MARK1: variants seen among roughly 807,000 people sequenced by gnomAD.
MARK1 encodes the protein microtubule affinity regulating kinase 1, also known as serine/threonine-protein kinase MARK1.
MARK1 carries 40 observed loss-of-function variants against 96.3 expected under a neutral mutation model. The observed-to-expected ratio is 0.42, with a 90% CI of 0.32 to 0.54. The LOEUF is 0.54. Ranked by LOEUF, MARK1 falls within the 20% of genes least tolerant of loss-of-function variation. MARK1 has a pLI of 0.16. For synonymous variants in MARK1, 317 were observed against 341.2 expected, an observed-to-expected ratio of 0.93 and a Z score of 0.78; for missense variants, 719 against 984.6, an observed-to-expected ratio of 0.73 and a Z score of 3.61.
chr1:220,585,428 A>C (rs1388325737), intron 3 of MARK1, among the ~76,000 whole-genome samples: 1 of 152,202 alleles, frequency 6.6e-6, no homozygotes, highest in Admixed American at 6.5e-5. Context: ...TTAAATGTTG[A>C]GGATGTGATC....
At chr1:220,603,087 A>C (rs1665847901) in intron 5 of MARK1, among the ~76,000 whole-genome samples, 3 of 152,086 alleles carry the variant, frequency 2.0e-5, no homozygotes, top group Non-Finnish European at 2.9e-5. Flanking sequence ...CTAAAGTCTG[A>C]GTTTTTTTGT....
chr1:220,654,562 A>C lies in MARK1; in HGVS notation c.1988+1210A>C, dbSNP rs1177025538. Among the ~76,000 whole-genome samples the C allele has an allele frequency of 2.6e-5, 4 of 152,228 alleles. No individual in the cohort carries two copies. Among genetic ancestry groups the C allele is most frequent in the Non-Finnish European group, 4.4e-5 (3 of 68,036 alleles). ...ATTGGGGCAATTACTATGCAGCATGAAACTTGCTAGAGAAAGAACTAAAAG... is the reference window on the plus strand; with the variant it reads ...ATTGGGGCAATTACTATGCAGCATGCAACTTGCTAGAGAAAGAACTAAAAG... On this transcript the variant is annotated intron_variant, in intron 16 of 17. Coordinates refer to ENST00000366917, the MANE Select transcript of MARK1 (RefSeq NM_018650.5). This position sits in a 1 kb window ranked among gnomAD's most constrained non-coding sequence, Gnocchi z 4.0.
At chr1:220,588,173 G>A (rs1427234478) in intron 3 of MARK1, among the ~76,000 whole-genome samples, 2 of 152,118 alleles carry the variant, frequency 1.3e-5, no homozygotes, top group African/African-American at 4.8e-5. Context: ...CTGCTTTTAA[G>A]TTTAATATCT....
chr1:220,579,705 G>T, intron 2 of MARK1, 148 bp downstream of exon 2: 2 of 627,208 alleles, frequency 3.2e-6, no homozygotes, highest in Non-Finnish European at 5.6e-6. Context: ...GTAGGCAGAG[G>T]TTTATCACGG....
At chr1:220,529,578 G>A (rs1221809841) in intron 1 of MARK1, among the ~76,000 whole-genome samples, 1 of 152,186 alleles carries the variant, frequency 6.6e-6, no homozygotes. Context: ...CAGTGATAAT[G>A]ATGCAGGGCA....
intron 3 of MARK1, among the ~76,000 whole-genome samples, chr1:220,591,020 G>A (rs1664947524): frequency 6.6e-6 from 1 of 152,164 alleles, no homozygotes; most frequent in African/African-American, 2.4e-5. Context: ...TCAGATGGAA[G>A]TGGAGTGACC....
intron 3 of MARK1, among the ~76,000 whole-genome samples, chr1:220,583,095 G>A (rs968311339): frequency 6.6e-6 from 1 of 152,212 alleles, no homozygotes; most frequent in Non-Finnish European, 1.5e-5. Flanking sequence ...GTAATGGAAT[G>A]TGAAACAATC....
chr1:220,554,021 G>T (rs752097802), intron 1 of MARK1, among the ~76,000 whole-genome samples: 3 of 152,170 alleles, frequency 2.0e-5, no homozygotes, highest in Non-Finnish European at 4.4e-5. Context: ...TTTCACTACT[G>T]ACATACATGG....
At chr1:220,582,036 T>C (rs1572120349) in intron 3 of MARK1, among the ~76,000 whole-genome samples, 1 of 152,208 alleles carries the variant, frequency 6.6e-6, no homozygotes, top group African/African-American at 2.4e-5. Context: ...AAGAATCTTA[T>C]AAGAAATTGT....
chr1:220,575,325 A>G (rs1199867611), intron 1 of MARK1, among the ~76,000 whole-genome samples: 2 of 152,234 alleles, frequency 1.3e-5, no homozygotes, highest in Non-Finnish European at 2.9e-5. Flanking sequence ...AAAGGTAGAA[A>G]TTTAAAATTC....
At chr1:220,616,553 A>G (rs560469496) in intron 7 of MARK1, among the ~76,000 whole-genome samples, 33 of 152,218 alleles carry the variant, frequency 2.2e-4, no homozygotes, top group African/African-American at 7.7e-4. Context: ...TTTTTTCTCT[A>G]ATCTTCCAAA....
intron 1 of MARK1, among the ~76,000 whole-genome samples, chr1:220,534,814 A>G (rs1027300953): frequency 6.6e-6 from 1 of 152,120 alleles, no homozygotes; most frequent in Non-Finnish European, 1.5e-5. Flanking sequence ...TTTTAGCACA[A>G]TGCTCTTAAG....
In MARK1 at chr1:220,635,835, G is replaced by A. The variant is rs1236948023; in HGVS notation, c.1279G>A (p.Gly427Ser). 6.3e-7 allele frequency: 1 copy of A among 1,577,312 alleles called. No homozygotes were observed. The highest frequency in any genetic ancestry group is 1.2e-5 in the South Asian group (1 of 84,286). ...TGCTATTTTTAAAAAAATTATAGCTGGTCCATCCATTCCTCCTGCTGTATC... is the reference window on the plus strand; with the variant it reads ...TGCTATTTTTAAAAAAATTATAGCTAGTCCATCCATTCCTCCTGCTGTATC... ...QKQRRFSDHA[G>S]PSIPPAVSYT... Residue 427 changes from glycine to serine, a missense_variant and splice_region_variant, in exon 13 of 18, where the codon GGT becomes AGT. This residue lies in a region of MARK1 where 501 missense variants were observed against 588.3 expected (regional missense o/e 0.85). Coordinates refer to ENST00000366917, the MANE Select transcript of MARK1 (RefSeq NM_018650.5).
chr1:220,591,931 C>G (rs1665010675), intron 3 of MARK1, among the ~76,000 whole-genome samples: 1 of 151,674 alleles, frequency 6.6e-6, no homozygotes, highest in East Asian at 1.9e-4. Flanking sequence ...TTATTCCAGT[C>G]TTTTGCATTT....
chr1:220,647,937 G>A (rs985805154), intron 13 of MARK1, among the ~76,000 whole-genome samples: 1 of 151,990 alleles, frequency 6.6e-6, no homozygotes. Flanking sequence ...AATAGCTATT[G>A]CATGCTGGGC....
At chr1:220,658,034 G>T (rs1031704298) in intron 17 of MARK1, among the ~76,000 whole-genome samples, 200 bp downstream of exon 17, 1 of 152,168 alleles carries the variant, frequency 6.6e-6, no homozygotes, top group African/African-American at 2.4e-5. Flanking sequence ...TTCCAAACAT[G>T]CATTTGAATT....
intron 1 of MARK1, among the ~76,000 whole-genome samples, chr1:220,531,650 ATG>A (rs1660325038): frequency 6.6e-6 from 1 of 152,216 alleles, no homozygotes; most frequent in African/African-American, 2.4e-5. Flanking sequence ...ATATAGTAGA[ATG>A]AGAAAGAATT....
At position 220,583,856 on chromosome 1, in the gene MARK1, C is replaced by T. The variant is rs868753095; in HGVS notation, c.309+2738C>T. Among the ~76,000 whole-genome samples, 10 of 123,906 alleles carry T rather than the reference C, an allele frequency of 8.1e-5. 1 individual carries two copies. In the Middle Eastern group the frequency reaches 0.05, roughly 620 times the overall value. The allele number at this position is 123,906 out of a possible 152,430, so 81.3% of individuals were successfully genotyped here. ...TTTTTTTTTGTATTTTTAGTAGAGACGAGGATTCACCATGTTGGCCAGGAT... is the reference window on the plus strand; with the variant it reads ...TTTTTTTTTGTATTTTTAGTAGAGATGAGGATTCACCATGTTGGCCAGGAT... On this transcript the variant is annotated intron_variant, in intron 3 of 17. Transcript: ENST00000366917.
intron 1 of MARK1, among the ~76,000 whole-genome samples, chr1:220,570,547 CTA>C (rs988618638): frequency 6.6e-6 from 1 of 152,052 alleles, no homozygotes; most frequent in Non-Finnish European, 1.5e-5. Context: ...TAGTACTACT[CTA>C]TGTTTTTAAA....
Sources: gnomAD v4.1 joint callset for allele counts (sites outside exome capture counted in the v4.1 genomes callset) on GRCh38, gnomAD v4.1.1 for gene constraint, gnomAD v4.1.1 regional missense constraint, Gnocchi (gnomAD v3.1) non-coding constraint, MANE v1.5 for transcripts, NCBI Gene and HGNC (gene_info 2026-07-23, HGNC 2026-07-21) for gene names.